Variants in SLC7A1 observed in about 807,000 individuals in gnomAD.
The protein encoded by SLC7A1 is high affinity cationic amino acid transporter 1.
A neutral mutation model predicts 53.9 loss-of-function variants in SLC7A1; 10 were observed. The observed-to-expected ratio is 0.19, with a 90% confidence interval of 0.11 to 0.31. SLC7A1 has a LOEUF of 0.31. Among genes scored for constraint, SLC7A1 ranks in the 10% least tolerant of loss-of-function variants. SLC7A1 has a pLI of 1.00. For missense variants in SLC7A1, 525 were observed against 827.2 expected, an observed-to-expected ratio of 0.63 and a Z score of 4.48; for synonymous variants, 342 against 338.7, an observed-to-expected ratio of 1.01 and a Z score of -0.11.
At chr13:29,576,515 G>A (rs1871421256) in intron 1 of SLC7A1, among the ~76,000 whole-genome samples, 1 of 152,088 alleles carries the variant, frequency 6.6e-6, no homozygotes, top group African/African-American at 2.4e-5. Flanking sequence ...GACACCAATA[G>A]TACCAAGTTC....
chr13:29,585,398 T>C (rs149611028), intron 1 of SLC7A1, among the ~76,000 whole-genome samples: 2 of 152,286 alleles, frequency 1.3e-5, no homozygotes, highest in African/African-American at 2.4e-5. Context: ...TTTCTTGTAA[T>C]GAAATAGAAA....
chr13:29,583,418 G>C (rs1245421148), intron 1 of SLC7A1, among the ~76,000 whole-genome samples: 2 of 152,314 alleles, frequency 1.3e-5, no homozygotes, highest in East Asian at 3.9e-4. Context: ...CACACAGCAG[G>C]ACACTTTGCT....
intron 2 of SLC7A1, among the ~76,000 whole-genome samples, chr13:29,547,622 G>A (rs1238193765): frequency 1.3e-5 from 2 of 152,168 alleles, no homozygotes; most frequent in East Asian, 1.9e-4. Context: ...TCCATATTTC[G>A]ACAATTTTTA....
rs960197598 is a variant in SLC7A1, at chr13:29,511,394, T to C, written c.*3086A>G. The C allele has an allele frequency of 1.2e-4, 18 of 152,184 alleles. No homozygotes were observed. Among genetic ancestry groups the C allele is most frequent in the Admixed American group, 9.2e-4 (14 of 15,278 alleles). The allele number at this position is 152,184 out of a possible 1,614,324, so 9.4% of individuals were successfully genotyped here. ...TCAGCAATTCTGACAACAGTATACA[T>C]TTAGCGACCTTTCTGAGACAGCCTG... On this transcript the variant is annotated 3_prime_UTR_variant, in exon 13 of 13. Transcript: ENST00000380752.
At chr13:29,563,105 C>T (rs145577280) in intron 1 of SLC7A1, among the ~76,000 whole-genome samples, 112 of 152,292 alleles carry the variant, frequency 7.4e-4, no homozygotes, top group Middle Eastern at 6.8e-3. Context: ...AGGACAGAGT[C>T]GGGGGCTGCA....
intron 1 of SLC7A1, among the ~76,000 whole-genome samples, chr13:29,560,637 T>C (rs1182392310): frequency 6.6e-6 from 1 of 152,122 alleles, no homozygotes; most frequent in Non-Finnish European, 1.5e-5. Context: ...AGTATGTCTG[T>C]TAACCCCAGC....
chr13:29,567,318 C>T (rs571095724), intron 1 of SLC7A1, among the ~76,000 whole-genome samples: 159 of 152,210 alleles, frequency 1.0e-3, no homozygotes, highest in Non-Finnish European at 1.9e-3. Context: ...CTGTGGATAC[C>T]TATGGTCCAG....
At chr13:29,541,115 G>A (rs911154387) in intron 2 of SLC7A1, among the ~76,000 whole-genome samples, 1 of 152,146 alleles carries the variant, frequency 6.6e-6, no homozygotes, top group Admixed American at 6.5e-5. Flanking sequence ...TCAATGACAA[G>A]GGCAAAACCT....
At chr13:29,529,933 C>T (rs1482824690) in intron 5 of SLC7A1, among the ~76,000 whole-genome samples, 1 of 152,140 alleles carries the variant, frequency 6.6e-6, no homozygotes, top group Non-Finnish European at 1.5e-5. Flanking sequence ...CAGGGTGGAG[C>T]TGTCACCTCC....
chr13:29,517,520 T>C, intron 10 of SLC7A1, 53 bp downstream of exon 10: 1 of 1,472,556 alleles, frequency 6.8e-7, no homozygotes, highest in Non-Finnish European at 9.5e-7. Flanking sequence ...CTCCACTGCC[T>C]AGAAACCATG....
intron 1 of SLC7A1, among the ~76,000 whole-genome samples, chr13:29,577,571 AAG>A (rs1174277760): frequency 1.3e-5 from 2 of 152,218 alleles, no homozygotes; most frequent in Non-Finnish European, 2.9e-5. Flanking sequence ...ATTTGTCTCC[AAG>A]AGAGTTGTGT....
chr13:29,518,110 A>C (rs1868444606), intron 9 of SLC7A1, among the ~76,000 whole-genome samples: 1 of 152,228 alleles, frequency 6.6e-6, no homozygotes, highest in Admixed American at 6.5e-5. Context: ...TAAAGATACT[A>C]GGCCACTTCC....
intron 1 of SLC7A1, among the ~76,000 whole-genome samples, chr13:29,571,574 C>G (rs1871192233): frequency 6.6e-6 from 1 of 152,160 alleles, no homozygotes; most frequent in African/African-American, 2.4e-5. Flanking sequence ...CACCCAGAGG[C>G]CTTTCCATCT....
In SLC7A1 at chr13:29,523,298, C is replaced by G. The variant is rs1382140120; in HGVS notation, c.1017G>C (p.Val339=). 1.9e-6 allele frequency: 3 copies of G among 1,613,676 alleles called. No individual in the cohort carries two copies. The highest frequency in any genetic ancestry group is 2.5e-6 in the Non-Finnish European group (3 of 1,180,002). Residue 339 remains valine, a synonymous_variant, in exon 7 of 13, where the codon GTG becomes GTC. Transcript: ENST00000380752. ...AAAGAGCGCAGAGGGAGCCCACGGC[C>G]ACTGCGTACTTGGCACCTTCCCAGC... ...HVGWEGAKYA[V]AVGSLCALSA... is the part of the protein sequence containing the mutation.
chr13:29,530,646 A>G lies in SLC7A1; in HGVS notation c.596T>C (p.Leu199Pro). 6.2e-7 allele frequency: 1 copy of G among 1,614,142 alleles called. No homozygotes were observed. The highest frequency in any genetic ancestry group is 8.5e-7 in the Non-Finnish European group (1 of 1,179,964). ...TGACACCATTATGAAGCCCAGGACCAGGACGTTAATACAAGTGAATATTTT... is the reference window on the plus strand; with the variant it reads ...TGACACCATTATGAAGCCCAGGACCGGGACGTTAATACAAGTGAATATTTT... ...VNKIFTCINVLVLGFIMVSGF... is the reference protein window; with the variant it reads ...VNKIFTCINVPVLGFIMVSGF... Residue 199 changes from leucine (L) to proline (P), a missense_variant, in exon 5 of 13, where the codon CTG becomes CCG. Physicochemically the swap from Leu to Pro is moderately conservative, Grantham distance 98. Transcript: ENST00000380752.
chr13:29,524,292 C>T (rs1281176358), intron 5 of SLC7A1, 39 bp from the exon 6 acceptor site: 1 of 1,612,978 alleles, frequency 6.2e-7, no homozygotes. Context: ...ACGTCACTCG[C>T]TGCGCAGTCT....
At chr13:29,530,787 T>A in intron 4 of SLC7A1, 75 bp from the exon 5 acceptor site, 1 of 1,260,850 alleles carries the variant, frequency 7.9e-7, no homozygotes, top group South Asian at 1.3e-5. Context: ...TGGATGGGGA[T>A]AAGAAGGCGA....
chr13:29,519,416 C>T (rs1307885424), intron 9 of SLC7A1, 31 bp downstream of exon 9: 2 of 1,312,860 alleles, frequency 1.5e-6, no homozygotes, highest in Non-Finnish European at 2.2e-6. Context: ...ATCTGCATTT[C>T]TGTCATGAGA....
intron 5 of SLC7A1, 100 bp downstream of exon 5, chr13:29,530,438 G>T: frequency 1.9e-6 from 2 of 1,050,134 alleles, no homozygotes; most frequent in Non-Finnish European, 2.8e-6. Flanking sequence ...CTCAAATAAT[G>T]TTTTCTTAAA....
Sources: allele counts gnomAD v4.1 joint callset (sites outside exome capture counted in the v4.1 genomes callset), GRCh38; gene constraint gnomAD v4.1.1; transcripts MANE v1.5; gene names NCBI Gene and HGNC (gene_info 2026-07-23, HGNC 2026-07-21).